MKLN1: variants seen among roughly 807,000 people sequenced by gnomAD.
MKLN1 encodes the protein muskelin.
A neutral mutation model predicts 99.0 loss-of-function variants in MKLN1; 18 were observed. The ratio of observed to expected loss-of-function variants is 0.18; its 90% CI spans 0.13 to 0.27. The LOEUF (loss-of-function observed/expected upper bound fraction) is 0.27. Among genes scored for constraint, MKLN1 ranks in the 10% least tolerant of loss-of-function variants. MKLN1 has a pLI of 1.00. For missense variants in MKLN1, 621 were observed against 875.9 expected (o/e 0.71, Z 3.67); for synonymous variants, 288 against 293.2 (o/e 0.98, Z 0.18).
At chr7:131,452,778 T>C (rs912850316) in intron 12 of MKLN1, among the ~76,000 whole-genome samples, 1 of 152,140 alleles carries the variant, frequency 6.6e-6, no homozygotes, top group Non-Finnish European at 1.5e-5. Context: ...CTTGATCTCT[T>C]GACCTTGTGA....
intron 3 of MKLN1, among the ~76,000 whole-genome samples, chr7:131,248,796 C>T (rs999408218): frequency 6.6e-6 from 1 of 152,182 alleles, no homozygotes; most frequent in Admixed American, 6.5e-5. Flanking sequence ...TAATACCACA[C>T]TATGTACCCA....
intron 5 of MKLN1, among the ~76,000 whole-genome samples, chr7:131,398,442 C>G (rs1226517640): frequency 1.3e-5 from 2 of 152,038 alleles, no homozygotes; most frequent in Non-Finnish European, 2.9e-5. Context: ...ACCTGTAATC[C>G]CAGCACTTTG....
chr7:131,235,843 C>A (rs1797313659), intron 3 of MKLN1, among the ~76,000 whole-genome samples: 1 of 152,170 alleles, frequency 6.6e-6, no homozygotes, highest in African/African-American at 2.4e-5. Context: ...AGCTACAATT[C>A]TATGACGTCC....
intron 3 of MKLN1, among the ~76,000 whole-genome samples, chr7:131,235,604 G>A (rs1301130439): frequency 6.6e-6 from 1 of 152,136 alleles, no homozygotes; most frequent in Non-Finnish European, 1.5e-5. Context: ...AAAGGAAAAG[G>A]AAATTCTCCA....
chr7:131,362,517 C>T (rs1443089778), intron 1 of MKLN1, among the ~76,000 whole-genome samples: 4 of 151,906 alleles, frequency 2.6e-5, no homozygotes, highest in East Asian at 3.9e-4. Flanking sequence ...CCTAGCATAC[C>T]GTGTATTCTT....
At chr7:131,411,200 T>C in intron 6 of MKLN1, 106 bp from the exon 7 acceptor site, 1 of 610,580 alleles carries the variant, frequency 1.6e-6, no homozygotes, top group South Asian at 2.4e-5. Flanking sequence ...ATTAGTGACA[T>C]ATTAGTAATT....
intron 2 of MKLN1, among the ~76,000 whole-genome samples, chr7:131,160,940 A>G (rs112353750): frequency 7.2e-5 from 11 of 152,252 alleles, no homozygotes; most frequent in Non-Finnish European, 1.5e-4. Context: ...CAAATGTCCT[A>G]TCCTGTCCTA....
chr7:131,489,659 T>A lies in MKLN1; in HGVS notation c.*1931T>A, dbSNP rs1797373891. On this transcript the variant is annotated 3_prime_UTR_variant, in exon 18 of 18. Coordinates refer to ENST00000352689, the MANE Select transcript of MKLN1 (RefSeq NM_013255.5). ...GTGAATTCTGGCACTTTAAAAAGAT[T>A]AAGCAAGTGAAATTCTGCTGCCCTC... 1 of 152,164 alleles carries A rather than the reference T, an allele frequency of 6.6e-6. No homozygotes were observed. Among genetic ancestry groups the A allele is most frequent in the South Asian group, 2.1e-4 (1 of 4,832 alleles). The allele number at this position is 152,164 out of a possible 1,614,324, so 9.4% of individuals were successfully genotyped here.
At chr7:131,236,083 T>A (rs1797316999) in intron 3 of MKLN1, among the ~76,000 whole-genome samples, 1 of 152,336 alleles carries the variant, frequency 6.6e-6, no homozygotes, top group South Asian at 2.1e-4. Context: ...TTGAGGGCTG[T>A]CAGGCAGAAA....
intron 3 of MKLN1, among the ~76,000 whole-genome samples, chr7:131,220,680 C>T (rs918147328): frequency 1.3e-5 from 2 of 152,102 alleles, no homozygotes; most frequent in African/African-American, 4.8e-5. Context: ...TCATGCTGAT[C>T]CTCTTCCTCT....
intron 3 of MKLN1, among the ~76,000 whole-genome samples, chr7:131,234,140 C>T (rs754366731): frequency 2.0e-5 from 3 of 151,910 alleles, no homozygotes; most frequent in Admixed American, 6.6e-5. Context: ...CCACCACGCC[C>T]GGCTAATTTT....
chr7:131,323,634 A>T (rs1256966699), upstream of MKLN1: 1 of 152,236 alleles, frequency 6.6e-6, no homozygotes, highest in Non-Finnish European at 1.5e-5. Context: ...ATTTCTAAAA[A>T]GAGTGTTCAG....
chr7:131,486,504 C>T (rs1464827740), intron 17 of MKLN1, among the ~76,000 whole-genome samples: 14 of 152,076 alleles, frequency 9.2e-5, no homozygotes, highest in Admixed American at 9.2e-4. Flanking sequence ...GTATCCTTGG[C>T]AATGTTATGG....
chr7:131,124,348 C>T (rs1018580970), intron 1 of MKLN1, among the ~76,000 whole-genome samples: 5 of 152,084 alleles, frequency 3.3e-5, no homozygotes, highest in East Asian at 1.9e-4. Flanking sequence ...AACACCTGGC[C>T]GAGAACATTT....
chr7:131,466,277 T>G lies in MKLN1; in HGVS notation c.1790T>G (p.Val597Gly), dbSNP rs1562880596. The G allele has an allele frequency of 1.3e-6, 2 of 1,598,566 alleles. No homozygotes were observed. Among genetic ancestry groups the G allele is most frequent in the Non-Finnish European group, 8.5e-7 (1 of 1,170,790 alleles). ...HQLVYDELHK[V>G]HYLFGGNPGK... ...TCTGGCTTATTTTGCTTATTATAGG[T>G]TCATTACTTATTTGGTGGGAATCCA... is the stretch of plus-strand genomic sequence containing the variant. The change falls in exon 15 of 18, where the codon GTT becomes GGT. Residue 597 changes from valine to glycine, a missense_variant and splice_region_variant. Around this residue, in one of 8 missense-constraint regions of MKLN1, gnomAD observed 126 missense variants for 157.4 expected, o/e 0.80. Coordinates refer to ENST00000352689, the MANE Select transcript of MKLN1 (RefSeq NM_013255.5).
chr7:131,246,508 T>A (rs747828422), intron 3 of MKLN1, among the ~76,000 whole-genome samples: 1 of 152,252 alleles, frequency 6.6e-6, no homozygotes, highest in Admixed American at 6.5e-5. Context: ...ACAGAGATCT[T>A]CTTTTATGAT....
rs1797544329 is a variant in MKLN1 at position 131,495,857 on chromosome 7, C to T, written c.*8129C>T. On this transcript the variant is annotated 3_prime_UTR_variant, in exon 18 of 18. Transcript: ENST00000352689. ...TAAGACTCATTGGAATTTCTAAGTC[C>T]GTTATGCACCATTATGGGCATATGG... 6.6e-6 allele frequency: 1 copy of T among 152,046 alleles called. No individual in the cohort carries two copies. Among genetic ancestry groups the T allele is most frequent in the African/African-American group, 2.4e-5 (1 of 41,380 alleles). The allele number at this position is 152,046 out of a possible 1,614,324, so 9.4% of individuals were successfully genotyped here. A position where few individuals can be genotyped will look rare whatever the true frequency, so the allele number is the denominator to read the frequency against.
At chr7:131,233,986 T>G (rs1413984247) in intron 3 of MKLN1, among the ~76,000 whole-genome samples, 1 of 152,156 alleles carries the variant, frequency 6.6e-6, no homozygotes, top group Non-Finnish European at 1.5e-5. Context: ...TTTATTTTAT[T>G]TTATTTTTTT....
chr7:131,488,053 TTTTA>T lies in MKLN1; in HGVS notation c.*329_*332del, dbSNP rs933430511. ...ATTAGGCAGTTTACCCTTTTCAGAT[TTTTA>T]TTTCTTTTTTTTTTAATTGGGGGAA... On this transcript the variant is annotated 3_prime_UTR_variant, in exon 18 of 18. Coordinates refer to ENST00000352689, the MANE Select transcript of MKLN1 (RefSeq NM_013255.5). 1 of 153,118 alleles carries T rather than the reference TTTTA, an allele frequency of 6.5e-6. No individual in the cohort carries two copies. Among genetic ancestry groups the T allele is most frequent in the African/African-American group, 2.4e-5 (1 of 41,374 alleles). The allele number at this position is 153,118 out of a possible 1,614,324, so 9.5% of individuals were successfully genotyped here.
Sources: allele counts gnomAD v4.1 joint callset (sites outside exome capture counted in the v4.1 genomes callset), GRCh38; gene constraint gnomAD v4.1.1; regional missense constraint gnomAD v4.1.1; transcripts MANE v1.5; gene names NCBI Gene and HGNC (gene_info 2026-07-23, HGNC 2026-07-21).